PDK1: variants seen among roughly 807,000 people sequenced by gnomAD.
The protein encoded by PDK1 is [Pyruvate dehydrogenase (acetyl-transferring)] kinase isozyme 1, mitochondrial.
Under a neutral mutation model 54.2 loss-of-function variants are expected in PDK1, and 39 were observed. The ratio of observed to expected loss-of-function variants is 0.72; its 90% CI spans 0.56 to 0.94. The LOEUF (loss-of-function observed/expected upper bound fraction) is 0.94. PDK1 is among the 40% of genes least tolerant of loss of function. The probability of loss-of-function intolerance (pLI) is 0.00; values close to 1 mark genes in which losing one functional copy is unlikely to be tolerated. For missense variants in PDK1, 552 were observed against 566.0 expected (o/e 0.98, Z 0.25); for synonymous variants, 221 against 207.1 (o/e 1.07, Z -0.58).
At chr2:172,670,481 T>C in the PDK1 span, among the ~76,000 whole-genome samples, 1 of 152,230 alleles carries the variant, frequency 6.6e-6, no homozygotes, top group African/African-American at 2.4e-5. Flanking sequence ...GAAGTTTTAA[T>C]TAATGTTATC....
chr2:172,595,117 G>A (rs533548825), intron 10 of PDK1, among the ~76,000 whole-genome samples: 2 of 152,166 alleles, frequency 1.3e-5, no homozygotes, highest in South Asian at 2.1e-4. Flanking sequence ...TTGCCAGGCC[G>A]GAGTGCAGTG....
At chr2:172,568,388 G>A (rs375916646) in intron 6 of PDK1, among the ~76,000 whole-genome samples, 2 of 150,262 alleles carry the variant, frequency 1.3e-5, no homozygotes, top group African/African-American at 4.9e-5. Flanking sequence ...GAATTGGACT[G>A]TGGAATTTAA....
At chr2:172,663,068 A>C in the PDK1 span, among the ~76,000 whole-genome samples, 1 of 152,210 alleles carries the variant, frequency 6.6e-6, no homozygotes, top group Non-Finnish European at 1.5e-5. Flanking sequence ...ATCACAGACC[A>C]GGTGGTTTCA....
At chr2:172,562,930 A>G (rs1688734527) in intron 3 of PDK1, 1 of 747,250 alleles carries the variant, frequency 1.3e-6, no homozygotes, top group African/African-American at 1.8e-5. Context: ...GTCCTCAGTT[A>G]GTTACACATG....
chr2:172,646,452 CAAGAA>C, the PDK1 span, among the ~76,000 whole-genome samples: 9 of 151,512 alleles, frequency 5.9e-5, no homozygotes, highest in Non-Finnish European at 1.2e-4. Flanking sequence ...GGATGATACT[CAAGAA>C]AAGGAGAATG....
the PDK1 span, among the ~76,000 whole-genome samples, chr2:172,651,439 T>G: frequency 2.6e-5 from 4 of 151,948 alleles, no homozygotes; most frequent in African/African-American, 4.8e-5. Flanking sequence ...GCAAACACAT[T>G]CAAAAGCTAG....
chr2:172,659,177 C>A, the PDK1 span, among the ~76,000 whole-genome samples: 1 of 152,182 alleles, frequency 6.6e-6, no homozygotes, highest in African/African-American at 2.4e-5. Context: ...TAAAATTCCA[C>A]TCTTTGTACT....
the PDK1 span, among the ~76,000 whole-genome samples, chr2:172,645,363 C>T: frequency 2.0e-5 from 3 of 146,506 alleles, 1 homozygote; most frequent in Non-Finnish European, 4.5e-5. Context: ...CTCTGCCTCC[C>T]GGGTTCAAGC....
the PDK1 span, among the ~76,000 whole-genome samples, chr2:172,657,367 T>C: frequency 9.0e-5 from 12 of 133,624 alleles, no homozygotes; most frequent in Admixed American, 3.1e-4. Context: ...TTATTTCTTG[T>C]TGTGAGGATG....
At chr2:172,714,556 TTTG>T in the PDK1 span, among the ~76,000 whole-genome samples, 1 of 152,108 alleles carries the variant, frequency 6.6e-6, no homozygotes, top group African/African-American at 2.4e-5. Flanking sequence ...TCTTCTAGAT[TTTG>T]TTATCACAGT....
At chr2:172,622,713 G>A in the PDK1 span, among the ~76,000 whole-genome samples, 56 of 121,044 alleles carry the variant, frequency 4.6e-4, no homozygotes, top group African/African-American at 1.5e-3. Context: ...CATATATTAT[G>A]TGAGATATGT....
intron 8 of PDK1, among the ~76,000 whole-genome samples, chr2:172,578,869 G>A (rs1689723099): frequency 6.6e-6 from 1 of 152,096 alleles, no homozygotes; most frequent in Admixed American, 6.5e-5. Flanking sequence ...CCTGGAATCA[G>A]TAAGTTTCCC....
At chr2:172,616,419 T>G in the PDK1 span, among the ~76,000 whole-genome samples, 3 of 152,198 alleles carry the variant, frequency 2.0e-5, no homozygotes, top group Non-Finnish European at 4.4e-5. Context: ...AACACAATTT[T>G]GAGTGGAAAA....
the PDK1 span, among the ~76,000 whole-genome samples, chr2:172,719,620 C>A: frequency 6.6e-6 from 1 of 151,902 alleles, no homozygotes; most frequent in Non-Finnish European, 1.5e-5. Context: ...TGTTTATTTC[C>A]AGTTTCCAAT....
the PDK1 span, among the ~76,000 whole-genome samples, chr2:172,693,648 T>C: frequency 1.3e-5 from 2 of 152,030 alleles, no homozygotes; most frequent in Non-Finnish European, 2.9e-5. Flanking sequence ...GACAAACCTG[T>C]TTTTGCTTTT....
Position 172,608,532 on chromosome 2 carries a change from A to G in PDK1, c.*12563A>G, listed in dbSNP as rs1180205328. 2 of 152,190 alleles carry G rather than the reference A, an allele frequency of 1.3e-5. No homozygotes were observed. Among genetic ancestry groups the G allele is most frequent in the African/African-American group, 4.8e-5 (2 of 41,450 alleles). 9.4% of individuals were successfully genotyped at this position (152,190 alleles called of 1,614,324 possible). ...ACTGTTTATCATTCACTCTGCTGTA[A>G]GTCTATGTGAAACCAAATCCGTGGA... On this transcript the variant is annotated 3_prime_UTR_variant, in exon 11 of 11. Transcript: ENST00000282077.
chr2:172,645,419 C>T, the PDK1 span, among the ~76,000 whole-genome samples: 10 of 151,810 alleles, frequency 6.6e-5, no homozygotes, highest in South Asian at 2.1e-4. Context: ...CCACCACGCC[C>T]GGCTAATTTC....
chr2:172,714,994 A>G, the PDK1 span, among the ~76,000 whole-genome samples: 1 of 152,360 alleles, frequency 6.6e-6, no homozygotes, highest in Non-Finnish European at 1.5e-5. Flanking sequence ...TGGAATAGTT[A>G]TTTACAGAAT....
At chr2:172,679,068 T>G in the PDK1 span, 1 of 152,230 alleles carries the variant, frequency 6.6e-6, no homozygotes, top group Non-Finnish European at 1.5e-5. Context: ...TAGCCTGTAA[T>G]GTGTGCCTTT....
Sources: gnomAD v4.1 joint callset for allele counts (sites outside exome capture counted in the v4.1 genomes callset) on GRCh38, gnomAD v4.1.1 for gene constraint, MANE v1.5 for transcripts, NCBI Gene and HGNC (gene_info 2026-07-23, HGNC 2026-07-21) for gene names.